FILIP1L: variants seen among roughly 807,000 people sequenced by gnomAD.
FILIP1L encodes the protein filamin A-interacting protein 1-like.
A neutral mutation model predicts 96.6 loss-of-function variants in FILIP1L; 55 were observed. The ratio of observed to expected loss-of-function variants is 0.57; its 90% CI spans 0.46 to 0.71. The LOEUF (loss-of-function observed/expected upper bound fraction) is 0.71, where lower values mean the gene tolerates loss of function less well. Among genes scored for constraint, FILIP1L ranks in the 30% least tolerant of loss-of-function variants. The pLI is 0.00. For missense variants in FILIP1L, 1,304 were observed against 1,321.2 expected (o/e 0.99, Z 0.20); for synonymous variants, 467 against 473.9 (o/e 0.99, Z 0.19).
At position 99,898,916 on chromosome 3, in the gene FILIP1L, C is replaced by G. The variant is rs947221128; in HGVS notation, c.605+25314G>C. Reference sequence around the variant, plus strand: ...TTGCATGAACACTGACTCTGAAGCTCTAATCGAAGTTTAGCTTTATTTCAA... The same window carrying G: ...TTGCATGAACACTGACTCTGAAGCTGTAATCGAAGTTTAGCTTTATTTCAA... On this transcript the variant is annotated intron_variant, in intron 4 of 5. Transcript: ENST00000477258. Among the ~76,000 whole-genome samples, 6 of 152,202 alleles carry G rather than the reference C, an allele frequency of 3.9e-5. No homozygotes were observed. The East Asian group carries it at 1.2e-3, about 29-fold the overall frequency.
chr3:100,067,645 A>G (rs1365551488), intron 1 of FILIP1L, among the ~76,000 whole-genome samples: 2 of 152,238 alleles, frequency 1.3e-5, no homozygotes, highest in Non-Finnish European at 2.9e-5. Flanking sequence ...GATTATCTAG[A>G]TGATTCAATT....
intron 1 of FILIP1L, among the ~76,000 whole-genome samples, chr3:100,013,707 A>G (rs1710233567): frequency 6.6e-6 from 1 of 152,172 alleles, no homozygotes; most frequent in Non-Finnish European, 1.5e-5. Context: ...TAGTTGGCAA[A>G]TAAAAATTGT....
At chr3:99,855,151 A>G (rs1943897261) in intron 4 of FILIP1L, among the ~76,000 whole-genome samples, 1 of 152,208 alleles carries the variant, frequency 6.6e-6, no homozygotes, top group Non-Finnish European at 1.5e-5. Flanking sequence ...CCCAGTCTGC[A>G]GTACCACAGC....
At chr3:99,842,058 C>T (rs1473480798) in intron 5 of FILIP1L, among the ~76,000 whole-genome samples, 1 of 152,020 alleles carries the variant, frequency 6.6e-6, no homozygotes, top group Non-Finnish European at 1.5e-5. Flanking sequence ...GCACAATTCG[C>T]AATTGCAAAA....
chr3:99,959,440 G>A (rs896715565), intron 1 of FILIP1L, among the ~76,000 whole-genome samples: 13 of 152,166 alleles, frequency 8.5e-5, no homozygotes, highest in Non-Finnish European at 1.8e-4. Flanking sequence ...GTGAGCCACC[G>A]GGCCTGGCCA....
chr3:100,088,518 T>C (rs2066050969), intron 1 of FILIP1L, among the ~76,000 whole-genome samples: 1 of 152,246 alleles, frequency 6.6e-6, no homozygotes, highest in South Asian at 2.1e-4. Context: ...TTGTAGGAAA[T>C]GAATATTCTG....
At chr3:100,105,433 A>T (rs1391296305) in intron 1 of FILIP1L, among the ~76,000 whole-genome samples, 1 of 152,214 alleles carries the variant, frequency 6.6e-6, no homozygotes, top group Admixed American at 6.5e-5. Context: ...TTCGTATCTA[A>T]CAATTTCATA....
In FILIP1L at chr3:99,849,069, C is replaced by G. The variant is rs1160475994; in HGVS notation, c.2607G>C (p.Lys869Asn). 6.2e-7 allele frequency: 1 copy of G among 1,614,106 alleles called. No individual in the cohort carries two copies. The highest frequency in any genetic ancestry group is 2.2e-5 in the East Asian group (1 of 44,888). Residue 869 changes from lysine to asparagine, a missense_variant, in exon 5 of 6, where the codon AAG (lysine) becomes AAC (asparagine). By Grantham distance (94) the Lys-to-Asn change is moderately conservative. Coordinates refer to ENST00000477258, the MANE Select transcript of FILIP1L (RefSeq NM_001387850.1). ...RKLWIPWMKS[K>N]EGHLQNGKMQ... Reference sequence around the variant, plus strand: ...TTTTTCCATTCTGAAGATGGCCCTCCTTGGATTTCATCCAGGGAATCCATA... The same window carrying G: ...TTTTTCCATTCTGAAGATGGCCCTCGTTGGATTTCATCCAGGGAATCCATA...
intron 5 of FILIP1L, among the ~76,000 whole-genome samples, chr3:99,841,446 C>T (rs1353183011): frequency 1.3e-5 from 2 of 152,222 alleles, no homozygotes; most frequent in Non-Finnish European, 2.9e-5. Context: ...AAAAGGTCCT[C>T]TCTCGGAAGT....
At chr3:99,940,955 C>T (rs906194260) in intron 1 of FILIP1L, among the ~76,000 whole-genome samples, 1 of 152,248 alleles carries the variant, frequency 6.6e-6, no homozygotes, top group Non-Finnish European at 1.5e-5. Context: ...TCTTAAAGCG[C>T]CTTGGGCTAC....
chr3:99,902,281 A>G (rs867868893), intron 4 of FILIP1L, among the ~76,000 whole-genome samples: 41 of 152,212 alleles, frequency 2.7e-4, no homozygotes, highest in African/African-American at 9.2e-4. Flanking sequence ...GGTTACTCAT[A>G]ACAGTTTCTA....
At chr3:99,995,506 A>T (rs1215936804) in intron 1 of FILIP1L, among the ~76,000 whole-genome samples, 1 of 152,072 alleles carries the variant, frequency 6.6e-6, no homozygotes, top group Non-Finnish European at 1.5e-5. Context: ...GGTCTGGAGG[A>T]TGGTGGCCCT....
intron 1 of FILIP1L, among the ~76,000 whole-genome samples, chr3:99,981,481 G>A (rs1041634035): frequency 6.6e-6 from 1 of 152,114 alleles, no homozygotes; most frequent in Non-Finnish European, 1.5e-5. Flanking sequence ...CACTCACAAT[G>A]ATACATGATA....
chr3:99,910,389 G>A (rs1706751671), intron 4 of FILIP1L, among the ~76,000 whole-genome samples: 1 of 136,492 alleles, frequency 7.3e-6, no homozygotes, highest in Non-Finnish European at 1.7e-5. Flanking sequence ...CAAGACTAAT[G>A]TAACAAAAAC....
In FILIP1L at chr3:99,924,381, C is replaced by T. The variant is rs1216680108; in HGVS notation, c.454G>A (p.Glu152Lys). Residue 152 changes from glutamate to lysine, a missense_variant, in exon 4 of 6, where the codon GAA becomes AAA. Physicochemically the swap from Glu to Lys is moderately conservative, Grantham distance 56. Transcript: ENST00000477258. Reference protein sequence around the residue: ...ELDKVVEKHKESYRRILGQLL... With the variant: ...ELDKVVEKHKKSYRRILGQLL... ...TGTCCCAGGATTCGTCTGTAAGATT[C>T]TTTATGTTTTTCCACAACTTTGTCC... 1 of 1,613,908 alleles carries T rather than the reference C, an allele frequency of 6.2e-7. No individual in the cohort carries two copies. The highest frequency in any genetic ancestry group is 8.5e-7 in the Non-Finnish European group (1 of 1,180,006).
At chr3:99,952,162 A>T (rs1010888106) in intron 1 of FILIP1L, among the ~76,000 whole-genome samples, 1 of 151,458 alleles carries the variant, frequency 6.6e-6, no homozygotes, top group Admixed American at 6.6e-5. Flanking sequence ...TCTCCTATAG[A>T]TGTGTTTTTT....
intron 5 of FILIP1L, 33 bp downstream of exon 5, chr3:99,848,262 G>A (rs1297756519): frequency 4.3e-6 from 7 of 1,610,200 alleles, no homozygotes; most frequent in African/African-American, 1.3e-5. Flanking sequence ...GACTGGATGA[G>A]GGTGAGCGTG....
intron 1 of FILIP1L, among the ~76,000 whole-genome samples, chr3:99,957,656 G>GTTAC (rs1708360842): frequency 1.7e-5 from 2 of 118,356 alleles, no homozygotes; most frequent in Non-Finnish European, 3.4e-5. Context: ...CTAATCAGTA[G>GTTAC]TTACTTGGCA....
chr3:99,937,955 G>A (rs187006290), intron 1 of FILIP1L, among the ~76,000 whole-genome samples: 2 of 152,266 alleles, frequency 1.3e-5, no homozygotes, highest in Non-Finnish European at 1.5e-5. Flanking sequence ...AGTTGGTAAA[G>A]GTGAATTAAG....
Sources: gnomAD v4.1 joint callset for allele counts (sites outside exome capture counted in the v4.1 genomes callset) on GRCh38, gnomAD v4.1.1 for gene constraint, MANE v1.5 for transcripts, NCBI Gene and HGNC (gene_info 2026-07-23, HGNC 2026-07-21) for gene names.